Variants in TRAPPC12 observed in about 807,000 individuals in gnomAD.
TRAPPC12 encodes the protein trafficking protein particle complex subunit 12, also known as TPR repeat protein 15.
Under a neutral mutation model 69.2 loss-of-function variants are expected in TRAPPC12, and 61 were observed. The ratio of observed to expected loss-of-function variants is 0.88; its 90% confidence interval spans 0.72 to 1.09. The LOEUF is 1.09. TRAPPC12 is among the 50% of genes least tolerant of loss of function. The pLI is 0.00. For missense variants in TRAPPC12, 1,101 were observed against 1,016.4 expected, an observed-to-expected ratio of 1.08 and a Z score of -1.13; for synonymous variants, 469 against 438.9, an observed-to-expected ratio of 1.07 and a Z score of -0.86.
intron 6 of TRAPPC12, among the ~76,000 whole-genome samples, chr2:3,448,483 G>T (rs911654129): frequency 6.6e-6 from 1 of 152,184 alleles, no homozygotes; most frequent in Non-Finnish European, 1.5e-5. Flanking sequence ...GACTCTTCCA[G>T]TGGGTGAGGA....
At chr2:3,442,835 A>T (rs915680931) in intron 5 of TRAPPC12, among the ~76,000 whole-genome samples, 1 of 152,220 alleles carries the variant, frequency 6.6e-6, no homozygotes, top group African/African-American at 2.4e-5. Context: ...GTGTTTTCTC[A>T]CCATCTTTCA....
chr2:3,456,751 T>C (rs1665174898), intron 6 of TRAPPC12: 1 of 242,194 alleles, frequency 4.1e-6, no homozygotes, highest in Non-Finnish European at 8.1e-6. Context: ...GCTAATGTTT[T>C]GTATTTTTGT....
rs201895479 is a variant in TRAPPC12 at position 3,401,782 on chromosome 2, T to C, written c.1053T>C (p.Asp351=). 1.3e-6 allele frequency: 2 copies of C among 1,573,766 alleles called. No individual in the cohort carries two copies. The highest frequency in any genetic ancestry group is 4.6e-5 in the East Asian group (2 of 43,734). The part of the protein sequence containing the change: ...PGLRFDNIQG[D]AVKDLMLRFL... ...TTTTCTTCTATTCTTCCCAGGGAGATGCAGTTAAAGACTTGATGCTTCGCT... is the reference window on the plus strand; with the variant it reads ...TTTTCTTCTATTCTTCCCAGGGAGACGCAGTTAAAGACTTGATGCTTCGCT... The change falls in exon 3 of 12, where the codon GAT becomes GAC. Residue 351 remains aspartate, a synonymous_variant. Transcript: ENST00000324266.
At chr2:3,432,386 C>G (rs1019418649) in intron 5 of TRAPPC12, among the ~76,000 whole-genome samples, 2 of 152,224 alleles carry the variant, frequency 1.3e-5, no homozygotes, top group African/African-American at 4.8e-5. Flanking sequence ...GTCACTGGAT[C>G]TTTCTTCCTT....
At chr2:3,397,474 C>T (rs1221366423) in intron 2 of TRAPPC12, among the ~76,000 whole-genome samples, 3 of 152,226 alleles carry the variant, frequency 2.0e-5, no homozygotes, top group African/African-American at 7.2e-5. Context: ...GGCTTGTCAG[C>T]TCACAGCACC....
At chr2:3,436,675 T>C (rs1233035931) in intron 5 of TRAPPC12, among the ~76,000 whole-genome samples, 1 of 151,916 alleles carries the variant, frequency 6.6e-6, no homozygotes, top group Non-Finnish European at 1.5e-5. Context: ...TGCGTGTTCA[T>C]TGTACTGTCA....
chr2:3,455,990 G>A (rs1452737305), intron 6 of TRAPPC12: 5 of 152,168 alleles, frequency 3.3e-5, no homozygotes, highest in Admixed American at 3.3e-4. Context: ...AAGGGGTGAG[G>A]GAAGTTAATT....
chr2:3,383,324 A>T (rs989853250), intron 1 of TRAPPC12, among the ~76,000 whole-genome samples: 1 of 152,164 alleles, frequency 6.6e-6, no homozygotes, highest in Non-Finnish European at 1.5e-5. Flanking sequence ...GGCTTTGCCT[A>T]CTCTGAAAAT....
At chr2:3,465,740 G>T (rs767668068) in intron 9 of TRAPPC12, 45 bp downstream of exon 9, 1 of 1,334,310 alleles carries the variant, frequency 7.5e-7, no homozygotes, top group Non-Finnish European at 1.1e-6. Context: ...CCTTATGATA[G>T]TTCTTTGCTC....
chr2:3,389,778 G>A, intron 2 of TRAPPC12: 1 of 448,220 alleles, frequency 2.2e-6, no homozygotes, highest in Non-Finnish European at 4.6e-6. Flanking sequence ...GACAACCAGA[G>A]TGTGAGGAGG....
chr2:3,389,321 C>T (rs1300684085), intron 2 of TRAPPC12, among the ~76,000 whole-genome samples: 1 of 152,234 alleles, frequency 6.6e-6, no homozygotes. Flanking sequence ...CCCGTGGCCT[C>T]GGTGACTGTG....
At chr2:3,407,262 A>T (rs1013681307) in intron 3 of TRAPPC12, among the ~76,000 whole-genome samples, 1 of 152,208 alleles carries the variant, frequency 6.6e-6, no homozygotes, top group Admixed American at 6.5e-5. Context: ...AGTGATTTTT[A>T]TTAGACTATT....
At position 3,414,920 on chromosome 2, in the gene TRAPPC12, C is replaced by T. The variant is rs1268138737; in HGVS notation, c.1165-6961C>T. ...CCGCATCCACAGATTCCACCACCCGCAGTTGGGAAACACAGTGAGGTATGC... is the reference window on the plus strand; with the variant it reads ...CCGCATCCACAGATTCCACCACCCGTAGTTGGGAAACACAGTGAGGTATGC... On this transcript the variant is annotated intron_variant, in intron 3 of 11. Coordinates refer to ENST00000324266, the MANE Select transcript of TRAPPC12 (RefSeq NM_016030.6). The surrounding 1 kb of genome is among the most constrained non-coding windows in gnomAD (Gnocchi z 4.9). 2.0e-5 allele frequency among the ~76,000 whole-genome samples: 3 copies of T among 152,274 alleles called. No individual in the cohort carries two copies. The East Asian group carries it at 5.8e-4, about 30-fold the overall frequency.
chr2:3,443,990 A>G (rs1664369832), intron 6 of TRAPPC12, 99 bp downstream of exon 6: 2 of 849,730 alleles, frequency 2.4e-6, no homozygotes, highest in Admixed American at 2.2e-5. Context: ...GTCCTGCCCC[A>G]TGCACCATCG....
At chr2:3,478,368 C>T (rs1666388682) in intron 10 of TRAPPC12, among the ~76,000 whole-genome samples, 1 of 152,238 alleles carries the variant, frequency 6.6e-6, no homozygotes, top group Admixed American at 6.5e-5. Context: ...TGCAGTGGCT[C>T]ATGCCTGTAA....
chr2:3,393,675 T>C (rs1660956067), intron 2 of TRAPPC12, among the ~76,000 whole-genome samples: 1 of 135,878 alleles, frequency 7.4e-6, no homozygotes, highest in Non-Finnish European at 1.6e-5. Context: ...ATGCCTTTTC[T>C]ATTTACCCAC....
At chr2:3,387,590 C>T in intron 1 of TRAPPC12, 30 bp from the exon 2 acceptor site, 3 of 1,482,358 alleles carry the variant, frequency 2.0e-6, no homozygotes, top group Non-Finnish European at 2.7e-6. Flanking sequence ...AGATCACGCT[C>T]AGGGGCCTTC....
At chr2:3,415,079 G>T (rs1157135444) in intron 3 of TRAPPC12, among the ~76,000 whole-genome samples, 1 of 152,058 alleles carries the variant, frequency 6.6e-6, no homozygotes. Context: ...GCAGATAGAG[G>T]GTCTGCTGCT....
chr2:3,434,597 G>C lies in TRAPPC12; in HGVS notation c.1418-9182G>C, dbSNP rs187040116. 5.3e-5 allele frequency among the ~76,000 whole-genome samples: 8 copies of C among 152,290 alleles called. No homozygotes were observed. The East Asian group carries it at 1.5e-3, about 29-fold the overall frequency. The stretch of plus-strand genomic sequence containing the variant: ...AAGAACCTGGCCGGCTTGGGTCACC[G>C]CTGCTGTCTTTCTTGGTTTTGCGTC... On this transcript the variant is annotated intron_variant, in intron 5 of 11. Transcript: ENST00000324266.
Sources: allele counts gnomAD v4.1 joint callset (sites outside exome capture counted in the v4.1 genomes callset), GRCh38; gene constraint gnomAD v4.1.1; non-coding constraint Gnocchi (gnomAD v3.1); transcripts MANE v1.5; gene names NCBI Gene and HGNC (gene_info 2026-07-23, HGNC 2026-07-21).